The following PRKCQ variants were observed in gnomAD, a reference collection of about 807,000 sequenced individuals.
PRKCQ encodes protein kinase C theta type.
In PRKCQ, 41 loss-of-function variants were observed where a neutral mutation model predicts 91.2. The ratio of observed to expected loss-of-function variants is 0.45; its 90% CI spans 0.35 to 0.58. The LOEUF (loss-of-function observed/expected upper bound fraction) is 0.58, where lower values mean the gene tolerates loss of function less well. Ranked by LOEUF, PRKCQ falls within the 20% of genes least tolerant of loss-of-function variation. PRKCQ has a pLI of 0.00. For missense variants in PRKCQ, 673 were observed against 896.5 expected (o/e 0.75, Z 3.18); for synonymous variants, 307 against 316.9 (o/e 0.97, Z 0.33).
chr10:6,513,562 A>G (rs1372681984), intron 2 of PRKCQ, among the ~76,000 whole-genome samples: 1 of 152,014 alleles, frequency 6.6e-6, no homozygotes, highest in East Asian at 1.9e-4. Context: ...AAAAACTCAG[A>G]CGTTTTACAC....
intron 1 of PRKCQ, among the ~76,000 whole-genome samples, chr10:6,546,621 G>A (rs1372136887): frequency 1.3e-5 from 2 of 152,166 alleles, no homozygotes; most frequent in Non-Finnish European, 1.5e-5. Context: ...CCAGCTTAAG[G>A]AGATTTTGGG....
At chr10:6,425,002 C>A (rs571986694), downstream of PRKCQ, among the ~76,000 whole-genome samples, 10 of 152,328 alleles carry the variant, frequency 6.6e-5, no homozygotes, top group South Asian at 2.1e-3. Flanking sequence ...CCCCGCACTG[C>A]GTCCCCTAGA....
At chr10:6,488,480 G>A (rs553656735) in intron 8 of PRKCQ, among the ~76,000 whole-genome samples, 2 of 151,704 alleles carry the variant, frequency 1.3e-5, no homozygotes, top group Non-Finnish European at 2.9e-5. Context: ...CGGCCTCCCG[G>A]ATTCAAGAGA....
At chr10:6,540,627 T>C (rs1302149311) in intron 1 of PRKCQ, among the ~76,000 whole-genome samples, 1 of 152,258 alleles carries the variant, frequency 6.6e-6, no homozygotes, top group African/African-American at 2.4e-5. Context: ...TTTTGTTTGT[T>C]TGTTCCTCTG....
At chr10:6,518,617 T>C (rs1350250349) in intron 1 of PRKCQ, among the ~76,000 whole-genome samples, 1 of 151,956 alleles carries the variant, frequency 6.6e-6, no homozygotes, top group African/African-American at 2.4e-5. Flanking sequence ...AGGTCAGGAG[T>C]TCCAGACCAT....
chr10:6,467,327 GAGAC>G lies in PRKCQ; in HGVS notation c.1354-2927_1354-2924del, dbSNP rs1216542833. 1.0e-3 allele frequency among the ~76,000 whole-genome samples: 138 copies of G among 132,856 alleles called. 1 individual carries two copies. The highest frequency in any genetic ancestry group is 4.2e-3 in the Middle Eastern group (1 of 238). 87.2% of individuals were successfully genotyped at this position (132,856 alleles called of 152,430 possible). A position where few individuals can be genotyped will look rare whatever the true frequency, so the allele number is the denominator to read the frequency against. ...AGAGAGAGAGAGAGAGAGACAGAGAGAGACAGACAGAGAGAGAGAGAGAGAGAGA... is the reference window on the plus strand; with the variant it reads ...AGAGAGAGAGAGAGAGAGACAGAGAGAGACAGAGAGAGAGAGAGAGAGAGA... On this transcript the variant is annotated intron_variant, in intron 12 of 17. Transcript: ENST00000263125.
intron 15 of PRKCQ, among the ~76,000 whole-genome samples, chr10:6,456,418 G>C (rs1347083193): frequency 1.3e-5 from 2 of 152,132 alleles, no homozygotes; most frequent in African/African-American, 4.8e-5. Context: ...TGAGCAGAGT[G>C]AATATGTTTT....
At chr10:6,484,868 T>C (rs1212751030) in intron 10 of PRKCQ, among the ~76,000 whole-genome samples, 1 of 152,210 alleles carries the variant, frequency 6.6e-6, no homozygotes, top group African/African-American at 2.4e-5. Flanking sequence ...TTTATTTCTG[T>C]GAAACCATTT....
At chr10:6,428,949 C>CA (rs1177045498) in intron 17 of PRKCQ, among the ~76,000 whole-genome samples, 2 of 151,998 alleles carry the variant, frequency 1.3e-5, no homozygotes, top group Admixed American at 6.6e-5. Flanking sequence ...GTTTTCATGG[C>CA]AAAAAAACCA....
intron 1 of PRKCQ, among the ~76,000 whole-genome samples, chr10:6,561,532 C>T (rs1045115357): frequency 1.3e-5 from 2 of 152,188 alleles, no homozygotes; most frequent in African/African-American, 4.8e-5. Context: ...CGTGAACCTA[C>T]AATTGATTTA....
chr10:6,423,442 A>T (rs1421524463), downstream of PRKCQ, among the ~76,000 whole-genome samples: 1 of 152,146 alleles, frequency 6.6e-6, no homozygotes, highest in Non-Finnish European at 1.5e-5. Context: ...GCATTGAGGG[A>T]AGGAGAGCAG....
At position 6,499,629 on chromosome 10, in the gene PRKCQ, C is replaced by A. The variant is rs183794731; in HGVS notation, c.380-1071G>T. Among the ~76,000 whole-genome samples, 140 of 152,226 alleles carry A rather than the reference C, an allele frequency of 9.2e-4. 1 individual carries two copies. The highest frequency in any genetic ancestry group is 3.3e-3 in the African/African-American group (136 of 41,540). ...TCCCAGAGTTATAATTTTGTAATAG[C>A]TTGAAGACTCTTGGATTACTTCTTC... On this transcript the variant is annotated intron_variant, in intron 4 of 17. Transcript: ENST00000263125.
intron 1 of PRKCQ, among the ~76,000 whole-genome samples, chr10:6,577,884 T>A (rs2130990254): frequency 6.6e-6 from 1 of 152,154 alleles, no homozygotes; most frequent in African/African-American, 2.4e-5. Context: ...TACTTCTGAA[T>A]CCCCGAAGTT....
At position 6,537,093 on chromosome 10, in the gene PRKCQ, G is replaced by C. The variant is rs575408276; in HGVS notation, c.-9-21949C>G. 8.5e-5 allele frequency among the ~76,000 whole-genome samples: 13 copies of C among 152,340 alleles called. No individual in the cohort carries two copies. In the South Asian group the frequency reaches 2.5e-3, roughly 29 times the overall value. ...CAGTGGGGGTGTCGGAGTGTGGCTG[G>C]TGGGGATGCAGAAGAGGCGGTTTGA... On this transcript the variant is annotated intron_variant, in intron 1 of 17. Transcript: ENST00000263125.
chr10:6,562,323 G>A (rs1230800790), intron 1 of PRKCQ, among the ~76,000 whole-genome samples: 3 of 152,170 alleles, frequency 2.0e-5, no homozygotes, highest in Non-Finnish European at 4.4e-5. Flanking sequence ...GGAGTTCCAT[G>A]CGGTTTTTCA....
intron 1 of PRKCQ, among the ~76,000 whole-genome samples, chr10:6,550,432 C>T (rs762569954): frequency 7.9e-5 from 12 of 152,140 alleles, no homozygotes; most frequent in Admixed American, 7.9e-4. Context: ...TGCCACCATG[C>T]CCGGCTAATT....
intron 1 of PRKCQ, among the ~76,000 whole-genome samples, chr10:6,549,790 C>T (rs1840111319): frequency 6.6e-6 from 1 of 151,786 alleles, no homozygotes; most frequent in East Asian, 1.9e-4. Flanking sequence ...GCCACCATGC[C>T]CGGCTAATTT....
intron 11 of PRKCQ, among the ~76,000 whole-genome samples, chr10:6,479,766 C>CGAA (rs1712586253): frequency 3.1e-5 from 1 of 32,086 alleles, no homozygotes; most frequent in Non-Finnish European, 5.3e-5. Context: ...CCCGTCTCGA[C>CGAA]TAAAAAAAAA....
chr10:6,457,090 GGACTTTCCT>G (rs1564313938), intron 14 of PRKCQ, among the ~76,000 whole-genome samples: 1 of 152,104 alleles, frequency 6.6e-6, no homozygotes, highest in Non-Finnish European at 1.5e-5. Context: ...CTTGATCCCA[GGACTTTCCT>G]GAGGGTAATG....
Sources: allele counts gnomAD v4.1 joint callset (sites outside exome capture counted in the v4.1 genomes callset), GRCh38; gene constraint gnomAD v4.1.1; transcripts MANE v1.5; gene names NCBI Gene and HGNC (gene_info 2026-07-23, HGNC 2026-07-21).